The following CSMD1 variants were observed in gnomAD, a reference collection of about 807,000 sequenced individuals.
CSMD1 encodes CUB and sushi domain-containing protein 1.
Under a neutral mutation model 417.5 loss-of-function variants are expected in CSMD1, and 213 were observed. The observed-to-expected ratio is 0.51, with a 90% CI of 0.46 to 0.57. The LOEUF (loss-of-function observed/expected upper bound fraction) is 0.57, where lower values mean the gene tolerates loss of function less well. Ranked by LOEUF, CSMD1 falls within the 20% of genes least tolerant of loss-of-function variation. The probability of loss-of-function intolerance (pLI) is 0.00; values close to 1 mark genes in which losing one functional copy is unlikely to be tolerated. For synonymous variants in CSMD1, 2,862 were observed against 1,736.8 expected (o/e 1.65, Z -16.11); for missense variants, 6,923 against 4,529.7 (o/e 1.53, Z -15.17).
intron 3 of CSMD1, among the ~76,000 whole-genome samples, chr8:4,200,097 G>C (rs779116): frequency 6.6e-6 from 1 of 152,212 alleles, no homozygotes; most frequent in East Asian, 1.9e-4. Flanking sequence ...TATGTAATAA[G>C]TTATTTGAGA....
intron 30 of CSMD1, among the ~76,000 whole-genome samples, chr8:3,210,629 T>C (rs1032424591): frequency 6.7e-6 from 1 of 148,614 alleles, no homozygotes; most frequent in Admixed American, 6.8e-5. Flanking sequence ...CAGGAATATA[T>C]ATATAAAGTG....
intron 30 of CSMD1, among the ~76,000 whole-genome samples, chr8:3,211,117 T>G (rs1217117071): frequency 6.6e-6 from 1 of 152,170 alleles, no homozygotes; most frequent in Admixed American, 6.5e-5. Flanking sequence ...CAGTCACGGC[T>G]CACTGCAGCC....
At chr8:3,176,049 T>C (rs1314893205) in intron 37 of CSMD1, among the ~76,000 whole-genome samples, 1 of 152,166 alleles carries the variant, frequency 6.6e-6, no homozygotes, top group Admixed American at 6.5e-5. Flanking sequence ...AGATGAGGTA[T>C]TGAATGTTTC....
chr8:4,252,511 G>C (rs969758397), intron 3 of CSMD1, among the ~76,000 whole-genome samples: 1 of 152,188 alleles, frequency 6.6e-6, no homozygotes, highest in Non-Finnish European at 1.5e-5. Context: ...GGCATGTCCT[G>C]TTTCCTCAAA....
intron 5 of CSMD1, among the ~76,000 whole-genome samples, chr8:3,774,904 A>T (rs780150140): frequency 6.6e-6 from 1 of 152,120 alleles, no homozygotes; most frequent in Non-Finnish European, 1.5e-5. Context: ...ATGTCTTTTC[A>T]ATATGGTAAC....
At chr8:4,145,947 C>T (rs34700850) in intron 3 of CSMD1, among the ~76,000 whole-genome samples, 45,852 of 150,734 alleles carry the variant, frequency 0.3, 8,591 homozygotes, top group Non-Finnish European at 0.39. Context: ...ACTGACCACG[C>T]TGTTTCTTGT....
intron 3 of CSMD1, among the ~76,000 whole-genome samples, chr8:4,246,408 C>G (rs1233086563): frequency 1.3e-5 from 2 of 152,134 alleles, no homozygotes. Context: ...TTGTGAAGTT[C>G]TTAATAAGTT....
intron 2 of CSMD1, among the ~76,000 whole-genome samples, chr8:4,566,175 G>C (rs747556159): frequency 5.3e-5 from 8 of 152,072 alleles, no homozygotes; most frequent in African/African-American, 1.7e-4. Context: ...TGAATGATGA[G>C]ATTGATCCAT....
intron 18 of CSMD1, among the ~76,000 whole-genome samples, chr8:3,378,006 C>T (rs2116756122): frequency 6.6e-6 from 1 of 152,172 alleles, no homozygotes; most frequent in East Asian, 1.9e-4. Context: ...GAGGAATGCT[C>T]ATCAAGGCTG....
At chr8:3,882,443 C>G (rs1806269944) in intron 5 of CSMD1, among the ~76,000 whole-genome samples, 1 of 152,136 alleles carries the variant, frequency 6.6e-6, no homozygotes, top group Non-Finnish European at 1.5e-5. Flanking sequence ...TGGAAATTTC[C>G]TACACTACGG....
chr8:4,406,321 G>C, intron 3 of CSMD1, among the ~76,000 whole-genome samples: 1 of 152,006 alleles, frequency 6.6e-6, no homozygotes, highest in East Asian at 1.9e-4. Flanking sequence ...TTCCAGTTGT[G>C]AATTCAACAC....
At chr8:4,453,214 GAGACAC>G (rs994993263) in intron 2 of CSMD1, among the ~76,000 whole-genome samples, 2 of 95,052 alleles carry the variant, frequency 2.1e-5, no homozygotes, top group East Asian at 4.7e-4. Flanking sequence ...GACACACACA[GAGACAC>G]ACACACACAC....
intron 5 of CSMD1, among the ~76,000 whole-genome samples, chr8:3,817,560 T>C (rs1801457975): frequency 6.6e-6 from 1 of 152,068 alleles, no homozygotes; most frequent in South Asian, 2.1e-4. Flanking sequence ...ATTGCAGGCA[T>C]GAGCCACTGC....
intron 41 of CSMD1, among the ~76,000 whole-genome samples, chr8:3,139,434 A>C (rs1298169351): frequency 6.6e-6 from 1 of 152,162 alleles, no homozygotes; most frequent in Non-Finnish European, 1.5e-5. Flanking sequence ...CGTCAAGAGA[A>C]ATGGTAGCCA....
chr8:3,453,535 G>C (rs1473022361), intron 12 of CSMD1, among the ~76,000 whole-genome samples: 1 of 152,146 alleles, frequency 6.6e-6, no homozygotes, highest in Non-Finnish European at 1.5e-5. Flanking sequence ...TGGTTTCAAA[G>C]AACATCTTTA....
intron 54 of CSMD1, among the ~76,000 whole-genome samples, chr8:2,991,989 A>C (rs923114017): frequency 1.3e-5 from 2 of 152,236 alleles, no homozygotes; most frequent in Non-Finnish European, 2.9e-5. Context: ...AATCAGTATA[A>C]ACATAACAGA....
intron 3 of CSMD1, among the ~76,000 whole-genome samples, chr8:4,372,190 G>A (rs1802437824): frequency 6.6e-6 from 1 of 152,160 alleles, no homozygotes; most frequent in East Asian, 1.9e-4. Context: ...TTTTTTGTCA[G>A]TATTAGCCAT....
chr8:4,527,953 C>G (rs11997934), intron 2 of CSMD1, among the ~76,000 whole-genome samples: 54,294 of 151,972 alleles, frequency 0.36, 10,845 homozygotes, highest in South Asian at 0.45. Flanking sequence ...GCCCAGGGCA[C>G]TCTGGATTGT....
intron 1 of CSMD1, among the ~76,000 whole-genome samples, chr8:4,940,823 T>G (rs1807945696): frequency 6.6e-6 from 1 of 152,212 alleles, no homozygotes; most frequent in Non-Finnish European, 1.5e-5. Context: ...TGTGTCAGCT[T>G]GTACCATGTG....
Sources: gnomAD v4.1 joint callset for allele counts (sites outside exome capture counted in the v4.1 genomes callset) on GRCh38, gnomAD v4.1.1 for gene constraint, MANE v1.5 for transcripts, NCBI Gene and HGNC (gene_info 2026-07-23, HGNC 2026-07-21) for gene names.